RUNDC1: variants seen among roughly 807,000 people sequenced by gnomAD.
RUNDC1 encodes RUN domain-containing protein 1.
In RUNDC1, 31 loss-of-function variants were observed where a neutral mutation model predicts 49.3. The ratio of observed to expected loss-of-function variants is 0.63; its 90% confidence interval spans 0.47 to 0.85. RUNDC1 has a LOEUF of 0.85. Among genes scored for constraint, RUNDC1 ranks in the 40% least tolerant of loss-of-function variants. The pLI, the probability that RUNDC1 is intolerant of heterozygous loss-of-function variation, is 0.00. For synonymous variants in RUNDC1, 347 were observed against 348.6 expected, an observed-to-expected ratio of 1.00 and a Z score of 0.05; for missense variants, 715 against 806.7, an observed-to-expected ratio of 0.89 and a Z score of 1.38.
At position 42,991,669 on chromosome 17, in the gene RUNDC1, G is replaced by A. The variant is rs1331136863; in HGVS notation, c.1795G>A (p.Val599Ile). The A allele has an allele frequency of 1.2e-6, 2 of 1,613,892 alleles. No individual in the cohort carries two copies. Among genetic ancestry groups the A allele is most frequent in the East Asian group, 2.2e-5 (1 of 44,884 alleles). ...CAGCAGCCTCAAGTTTAGCCTCCCTGTAGATCTGGCTGTGCGCCAGCTCAA... is the reference window on the plus strand; with the variant it reads ...CAGCAGCCTCAAGTTTAGCCTCCCTATAGATCTGGCTGTGCGCCAGCTCAA... ...RLSSLKFSLP[V>I]DLAVRQLKNI... is the part of the protein sequence containing the mutation. Residue 599 changes from valine (V) to isoleucine (I), a missense_variant, in exon 5 of 5, where the codon GTA becomes ATA. Transcript: ENST00000361677.
At chr17:42,985,650 G>C (rs1229385796) in intron 1 of RUNDC1, 2 of 670,074 alleles carry the variant, frequency 3.0e-6, no homozygotes, top group African/African-American at 4.3e-5. Flanking sequence ...TACTTCTTCA[G>C]GGCTTGGTAA....
At chr17:42,985,350 A>T (rs1449636140) in intron 1 of RUNDC1, among the ~76,000 whole-genome samples, 1 of 152,200 alleles carries the variant, frequency 6.6e-6, no homozygotes, top group African/African-American at 2.4e-5. Context: ...ATGTGATATG[A>T]GCTAGACTAG....
chr17:42,991,831 G>A lies in RUNDC1; in HGVS notation c.*115G>A, dbSNP rs2050247939. ...GTTAAAGGCATTTTTCCCAGACCCT[G>A]CTCAGGCAGTCGGCCAAATGAGTGC... On this transcript the variant is annotated 3_prime_UTR_variant, in exon 5 of 5. Coordinates refer to ENST00000361677, the MANE Select transcript of RUNDC1 (RefSeq NM_173079.5). The A allele has an allele frequency of 1.7e-6, 2 of 1,171,972 alleles. No homozygotes were observed. Among genetic ancestry groups the A allele is most frequent in the Non-Finnish European group, 2.4e-6 (2 of 836,758 alleles). 72.6% of individuals were successfully genotyped at this position (1,171,972 alleles called of 1,614,324 possible). A position where few individuals can be genotyped will look rare whatever the true frequency, so the allele number is the denominator to read the frequency against.
intron 2 of RUNDC1, among the ~76,000 whole-genome samples, chr17:42,988,178 G>A (rs1472216803): frequency 6.6e-6 from 1 of 151,942 alleles, no homozygotes; most frequent in Non-Finnish European, 1.5e-5. Context: ...TAGAGATACA[G>A]TTACAACCTC....
At chr17:42,988,927 C>T (rs919421497) in intron 2 of RUNDC1, among the ~76,000 whole-genome samples, 11 of 152,148 alleles carry the variant, frequency 7.2e-5, no homozygotes, top group South Asian at 2.1e-4. Context: ...CAGTGAGCTA[C>T]GCTCACATTA....
At chr17:42,981,701 C>G (rs185837559) in intron 1 of RUNDC1, 1 of 152,190 alleles carries the variant, frequency 6.6e-6, no homozygotes, top group Non-Finnish European at 1.5e-5. Context: ...AGGCTGGTCT[C>G]GAACTCCTGG....
rs2050275063 is a variant in RUNDC1 at position 42,993,729 on chromosome 17, T to G, written c.*2013T>G. ...TCCTCTGTTACGGATCATCTCAGCT[T>G]TGGTGGTGGTAGTAGGGGTTTTTTG... On this transcript the variant is annotated 3_prime_UTR_variant, in exon 5 of 5. Coordinates refer to ENST00000361677, the MANE Select transcript of RUNDC1 (RefSeq NM_173079.5). 6.6e-6 allele frequency: 1 copy of G among 152,200 alleles called. No individual in the cohort carries two copies. Among genetic ancestry groups the G allele is most frequent in the African/African-American group, 2.4e-5 (1 of 41,448 alleles). The allele number at this position is 152,200 out of a possible 1,614,324, so 9.4% of individuals were successfully genotyped here. A position where few individuals can be genotyped will look rare whatever the true frequency, so the allele number is the denominator to read the frequency against.
At chr17:42,984,101 C>T (rs1208313862) in intron 1 of RUNDC1, among the ~76,000 whole-genome samples, 1 of 152,042 alleles carries the variant, frequency 6.6e-6, no homozygotes, top group African/African-American at 2.4e-5. Context: ...TCCCAAGTAG[C>T]TGGGACCACA....
Position 42,989,424 on chromosome 17 carries a change from G to T in RUNDC1, c.741G>T (p.Gln247His), listed in dbSNP as rs375224265. ...CCCTGTCCACTGAAGAGCTTCGTCA[G>T]CGTGTAGATGCAGCAGTGGCTCAGA... ...ISSLSTEELR[Q>H]RVDAAVAQIV... The change falls in exon 3 of 5, where the codon CAG becomes CAT. Residue 247 changes from glutamine to histidine, a missense_variant. Transcript: ENST00000361677. 2 of 1,613,962 alleles carry T rather than the reference G, an allele frequency of 1.2e-6. No homozygotes were observed. The highest frequency in any genetic ancestry group is 2.7e-5 in the African/African-American group (2 of 74,904).
intron 1 of RUNDC1, among the ~76,000 whole-genome samples, chr17:42,982,668 A>G (rs577709906): frequency 2.6e-5 from 4 of 152,094 alleles, no homozygotes; most frequent in Non-Finnish European, 5.9e-5. Flanking sequence ...TACACATACT[A>G]TGTACCCATA....
chr17:42,980,989 T>C lies in RUNDC1; in HGVS notation c.413T>C (p.Leu138Pro), dbSNP rs1487772251. ...DFAFRGCPHV[L>P]GYEGPGDPAS... ...GCCTTCCGCGGCTGCCCTCACGTCC[T>C]AGGTTACGAAGGGCCCGGCGACCCC... is the stretch of plus-strand genomic sequence containing the variant. The change falls in exon 1 of 5, where the codon CTA becomes CCA. Residue 138 changes from leucine (L) to proline (P), a missense_variant. Physicochemically the swap from Leu to Pro is moderately conservative, Grantham distance 98. Around this residue, in one of 5 missense-constraint regions of RUNDC1, gnomAD observed 113 missense variants for 93.4 expected, o/e 1.21. Coordinates refer to ENST00000361677, the MANE Select transcript of RUNDC1 (RefSeq NM_173079.5). The C allele has an allele frequency of 1.3e-6, 2 of 1,546,212 alleles. No homozygotes were observed. Among genetic ancestry groups the C allele is most frequent in the Admixed American group, 1.9e-5 (1 of 52,656 alleles).
In RUNDC1 at chr17:42,980,677, C is replaced by T. The variant is rs774568055; in HGVS notation, c.101C>T (p.Pro34Leu). 5.7e-6 allele frequency: 9 copies of T among 1,577,262 alleles called. No homozygotes were observed. In the South Asian group the frequency reaches 8.1e-5, roughly 14 times the overall value. The change falls in exon 1 of 5, where the codon CCG becomes CTG. Residue 34 changes from proline to leucine, a missense_variant. By Grantham distance (98) the Pro-to-Leu change is moderately conservative. Transcript: ENST00000361677. ...EEEEEEEPLPPCEAVRWAPVG... is the reference protein window; with the variant it reads ...EEEEEEEPLPLCEAVRWAPVG... ...GAGGAGGAAGAGGAGCCGCTGCCAC[C>T]GTGCGAGGCGGTGCGCTGGGCCCCA...
chr17:42,989,488 C>G lies in RUNDC1; in HGVS notation c.805C>G (p.Gln269Glu). 1 of 1,614,114 alleles carries G rather than the reference C, an allele frequency of 6.2e-7. No homozygotes were observed. The highest frequency in any genetic ancestry group is 8.5e-7 in the Non-Finnish European group (1 of 1,180,026). The part of the protein sequence containing the change: ...PARVKEQLVE[Q>E]LKTQIRDLEM... ...CCGAGTCAAAGAACAGTTGGTTGAGCAACTGAAAACTCAGATCCGAGACCT... is the reference window on the plus strand; with the variant it reads ...CCGAGTCAAAGAACAGTTGGTTGAGGAACTGAAAACTCAGATCCGAGACCT... The change falls in exon 3 of 5, where the codon CAA becomes GAA. Residue 269 changes from glutamine (Q) to glutamate (E), a missense_variant. Physicochemically the swap from Gln to Glu is conservative, Grantham distance 29. Coordinates refer to ENST00000361677, the MANE Select transcript of RUNDC1 (RefSeq NM_173079.5).
chr17:42,991,454 A>G lies in RUNDC1; in HGVS notation c.1580A>G (p.His527Arg), dbSNP rs1007559890. ...GCCATCCACATGGTGCTGACAGAGCATGACCCTTTTAAGCGCAGTGCAGAC... is the reference window on the plus strand; with the variant it reads ...GCCATCCACATGGTGCTGACAGAGCGTGACCCTTTTAAGCGCAGTGCAGAC... The part of the protein sequence containing the change: ...LTAIHMVLTE[H>R]DPFKRSADSE... The change falls in exon 5 of 5, where the codon CAT (histidine) becomes CGT (arginine). Residue 527 changes from histidine to arginine, a missense_variant. Transcript: ENST00000361677. 6.2e-7 allele frequency: 1 copy of G among 1,614,090 alleles called. No homozygotes were observed. Among genetic ancestry groups the G allele is most frequent in the African/African-American group, 1.3e-5 (1 of 74,934 alleles).
chr17:42,985,548 A>T, intron 1 of RUNDC1: 1 of 278,352 alleles, frequency 3.6e-6, no homozygotes, highest in African/African-American at 2.3e-5. Context: ...GAGCAAAGTT[A>T]AAGCAAGAGG....
chr17:42,984,380 A>T (rs955634355), intron 1 of RUNDC1, among the ~76,000 whole-genome samples: 1 of 151,108 alleles, frequency 6.6e-6, no homozygotes, highest in Non-Finnish European at 1.5e-5. Context: ...TCCTAGGTTC[A>T]AGCTGTTCTG....
At chr17:42,983,899 T>A (rs1414050225) in intron 1 of RUNDC1, among the ~76,000 whole-genome samples, 1 of 151,994 alleles carries the variant, frequency 6.6e-6, no homozygotes, top group African/African-American at 2.4e-5. Context: ...CTCGAACTCC[T>A]GGCCTCGAAC....
chr17:42,993,722 C>T lies in RUNDC1; in HGVS notation c.*2006C>T, dbSNP rs2050275014. 1 of 152,160 alleles carries T rather than the reference C, an allele frequency of 6.6e-6. No individual in the cohort carries two copies. The highest frequency in any genetic ancestry group is 2.1e-4 in the South Asian group (1 of 4,830). The allele number at this position is 152,160 out of a possible 1,614,324, so 9.4% of individuals were successfully genotyped here. A position where few individuals can be genotyped will look rare whatever the true frequency, so the allele number is the denominator to read the frequency against. ...TCCTCTGTCCTCTGTTACGGATCAT[C>T]TCAGCTTTGGTGGTGGTAGTAGGGG... On this transcript the variant is annotated 3_prime_UTR_variant, in exon 5 of 5. Coordinates refer to ENST00000361677, the MANE Select transcript of RUNDC1 (RefSeq NM_173079.5).
rs71663516 is a variant in RUNDC1 at position 42,995,115 on chromosome 17, CTG to C, written c.*3401_*3402del. Among the ~76,000 whole-genome samples the C allele has an allele frequency of 0.94, 142,405 of 152,068 alleles. 67,406 individuals are homozygous for C. The highest frequency in any genetic ancestry group is 1 in the South Asian group (4,829 of 4,830). The stretch of plus-strand genomic sequence containing the variant: ...CATACCAATTGGAGATTTGGAGAGA[CTG>C]TTAAAATATAGATTGCTGGGTCCCA... On this transcript the variant is annotated 3_prime_UTR_variant, in exon 5 of 5. Transcript: ENST00000361677.
Sources: gnomAD v4.1 joint callset for allele counts (sites outside exome capture counted in the v4.1 genomes callset) on GRCh38, gnomAD v4.1.1 for gene constraint, gnomAD v4.1.1 regional missense constraint, MANE v1.5 for transcripts, NCBI Gene and HGNC (gene_info 2026-07-23, HGNC 2026-07-21) for gene names.